RANBP2: variants seen among roughly 807,000 people sequenced by gnomAD.
RANBP2 encodes the protein RAN binding protein 2, also known as E3 SUMO-protein ligase RanBP2.
A neutral mutation model predicts 303.6 loss-of-function variants in RANBP2; 57 were observed. The ratio of observed to expected loss-of-function variants is 0.19; its 90% confidence interval spans 0.15 to 0.23. The LOEUF (loss-of-function observed/expected upper bound fraction) is 0.23, where lower values mean the gene tolerates loss of function less well. Among genes scored for constraint, RANBP2 ranks in the 10% least tolerant of loss-of-function variants. The probability of loss-of-function intolerance (pLI) is 1.00; values close to 1 mark genes in which losing one functional copy is unlikely to be tolerated. For missense variants in RANBP2, 3,138 were observed against 3,780.8 expected (o/e 0.83, Z 4.46); for synonymous variants, 1,167 against 1,301.5 (o/e 0.90, Z 2.23).
At chr2:109,366,269 C>A in the RANBP2 span, among the ~76,000 whole-genome samples, 3 of 152,034 alleles carry the variant, frequency 2.0e-5, no homozygotes, top group Non-Finnish European at 4.4e-5. Context: ...TCTTACTTTG[C>A]TTTTTTCGTT....
the RANBP2 span, among the ~76,000 whole-genome samples, chr2:109,626,364 G>A: frequency 6.6e-6 from 1 of 152,146 alleles, no homozygotes. Context: ...AGCTACTCGG[G>A]AGGATGAGGC....
At chr2:108,930,136 C>T in the RANBP2 span, 2 of 1,613,858 alleles carry the variant, frequency 1.2e-6, no homozygotes, top group Admixed American at 1.7e-5. Context: ...GGGCTCCTCT[C>T]CCGGCCCACA....
chr2:109,326,395 C>T, the RANBP2 span, among the ~76,000 whole-genome samples: 2 of 152,022 alleles, frequency 1.3e-5, no homozygotes, highest in African/African-American at 2.4e-5. Flanking sequence ...TACATCCTTA[C>T]CCTGGAGAAT....
chr2:109,437,393 A>G, the RANBP2 span, among the ~76,000 whole-genome samples: 1 of 151,586 alleles, frequency 6.6e-6, no homozygotes, highest in African/African-American at 2.4e-5. Context: ...TGAACGTCTG[A>G]TCTCCAGGAA....
chr2:109,210,063 C>T, the RANBP2 span, among the ~76,000 whole-genome samples: 1 of 152,186 alleles, frequency 6.6e-6, no homozygotes, highest in African/African-American at 2.4e-5. Flanking sequence ...AGTATTTGTC[C>T]TTTTGTGTCT....
the RANBP2 span, among the ~76,000 whole-genome samples, chr2:109,205,792 G>A: frequency 6.6e-6 from 1 of 152,160 alleles, no homozygotes; most frequent in Admixed American, 6.5e-5. Flanking sequence ...TGAAGCAGCG[G>A]GGGGATCAGA....
At chr2:108,912,306 G>T in the RANBP2 span, among the ~76,000 whole-genome samples, 3 of 152,172 alleles carry the variant, frequency 2.0e-5, no homozygotes, top group Non-Finnish European at 4.4e-5. Flanking sequence ...AAAGTGCTAT[G>T]GTCAGCATGT....
At chr2:108,782,441 A>G (rs1678319630) in intron 27 of RANBP2, 40 bp downstream of exon 27, 1 of 1,613,782 alleles carries the variant, frequency 6.2e-7, no homozygotes, top group South Asian at 1.1e-5. Context: ...CATTTTTTGG[A>G]CTTTTCTAAA....
the RANBP2 span, among the ~76,000 whole-genome samples, chr2:108,809,450 G>T: frequency 0.25 from 3,578 of 14,264 alleles, 124 homozygotes; most frequent in African/African-American, 0.4. Context: ...ATGAAATGTT[G>T]TGTGTGTGTG....
In RANBP2 at chr2:108,721,803, G is replaced by C. The variant is rs1243919824; in HGVS notation, c.72+2125G>C. Among the ~76,000 whole-genome samples the C allele has an allele frequency of 2.0e-5, 3 of 151,992 alleles. No individual in the cohort carries two copies. In the East Asian group the frequency reaches 5.8e-4, roughly 29 times the overall value. ...GTCTCCCAGGCTGGAGTGCTGTGGC[G>C]GGATCGTGGCTCACTGCAGCGTTGA... On this transcript the variant is annotated intron_variant, in intron 1 of 28. Coordinates refer to ENST00000283195, the MANE Select transcript of RANBP2 (RefSeq NM_006267.5).
the RANBP2 span, among the ~76,000 whole-genome samples, chr2:109,526,744 C>T: frequency 6.6e-5 from 10 of 152,150 alleles, no homozygotes; most frequent in East Asian, 5.8e-4. Context: ...ATATTCTCCC[C>T]GGCTCTTGGG....
the RANBP2 span, chr2:109,503,081 T>C: frequency 6.6e-6 from 1 of 152,262 alleles, no homozygotes; most frequent in East Asian, 1.9e-4. Context: ...TGTATATTCA[T>C]TAGCACCATG....
chr2:108,879,220 C>T, the RANBP2 span, among the ~76,000 whole-genome samples: 3 of 152,224 alleles, frequency 2.0e-5, no homozygotes, highest in African/African-American at 7.2e-5. Flanking sequence ...AGTCTTCCTG[C>T]CTCAGCCTTC....
At chr2:109,634,119 C>CAAAAAAAAA in the RANBP2 span, among the ~76,000 whole-genome samples, 23 of 56,100 alleles carry the variant, frequency 4.1e-4, 1 homozygote, top group Non-Finnish European at 5.7e-4. Flanking sequence ...GACTCTGTCT[C>CAAAAAAAAA]AAAAAAAAAA....
chr2:108,864,405 G>A, the RANBP2 span, among the ~76,000 whole-genome samples: 3,162 of 152,320 alleles, frequency 0.021, 99 homozygotes, highest in African/African-American at 0.07. Flanking sequence ...GCCTATGCCT[G>A]TAATTTCAGC....
At chr2:109,053,734 C>T in the RANBP2 span, among the ~76,000 whole-genome samples, 1 of 152,204 alleles carries the variant, frequency 6.6e-6, no homozygotes, top group South Asian at 2.1e-4. Flanking sequence ...AACCTGCTTC[C>T]TAGGCTGCTG....
intron 1 of RANBP2, among the ~76,000 whole-genome samples, chr2:108,723,283 CTTTTT>C (rs796995748): frequency 2.1e-5 from 3 of 142,032 alleles, no homozygotes; most frequent in African/African-American, 7.7e-5. Context: ...ATTTTCTTTT[CTTTTT>C]TTTTTTTTTG....
the RANBP2 span, among the ~76,000 whole-genome samples, chr2:108,917,102 G>C: frequency 0.71 from 108,236 of 152,190 alleles, 41,740 homozygotes; most frequent in East Asian, 0.9. Flanking sequence ...ATAAAGGCAA[G>C]GGTGTGCCAG....
the RANBP2 span, among the ~76,000 whole-genome samples, chr2:109,126,922 T>C: frequency 6.6e-6 from 1 of 152,242 alleles, no homozygotes; most frequent in Non-Finnish European, 1.5e-5. Flanking sequence ...CCCCCTTGTC[T>C]ACCATCTGCT....
Sources: gnomAD v4.1 joint callset for allele counts (sites outside exome capture counted in the v4.1 genomes callset) on GRCh38, gnomAD v4.1.1 for gene constraint, MANE v1.5 for transcripts, NCBI Gene and HGNC (gene_info 2026-07-23, HGNC 2026-07-21) for gene names.